Variants in SYTL3 observed in about 807,000 individuals in gnomAD.
SYTL3 encodes synaptotagmin-like protein 3.
A neutral mutation model predicts 82.1 loss-of-function variants in SYTL3; 88 were observed. The observed-to-expected ratio is 1.07, with a 90% CI of 0.90 to 1.28. SYTL3 has a LOEUF of 1.28. SYTL3 is among the 50% of genes most tolerant of loss of function. The pLI is 0.00. For missense variants in SYTL3, 831 were observed against 757.6 expected (o/e 1.10, Z -1.14); for synonymous variants, 311 against 289.4 (o/e 1.07, Z -0.76).
At chr6:158,733,361 C>T (rs886572507) in intron 11 of SYTL3, among the ~76,000 whole-genome samples, 2 of 152,084 alleles carry the variant, frequency 1.3e-5, no homozygotes, top group Admixed American at 1.3e-4. Flanking sequence ...GAGTCTTGCT[C>T]TGTCACCAAG....
rs775939440 is a variant in SYTL3 at position 158,763,332 on chromosome 6, CTG to C, written c.1547_1548del (p.Leu516GlnfsTer97). On this transcript the variant is annotated frameshift_variant, in exon 17 of 18. Coordinates refer to ENST00000611299, the MANE Select transcript of SYTL3 (RefSeq NM_001242394.2). LOFTEE classifies it high-confidence loss of function. ...TCTCACTCTGCCAGACCAACAAAAA[CTG>C]AGACTGAAGTCGCCAGTCCTGAGGA... is the stretch of plus-strand genomic sequence containing the variant. ...GCLTLPDQQK[L>X]RLKSPVLRKQ... 16 of 1,614,108 alleles carry C rather than the reference CTG, an allele frequency of 9.9e-6. No homozygotes were observed. Among genetic ancestry groups the C allele is most frequent in the Non-Finnish European group, 1.3e-5 (15 of 1,180,054 alleles).
chr6:158,658,931 A>G (rs1273693165), intron 2 of SYTL3, among the ~76,000 whole-genome samples: 1 of 152,152 alleles, frequency 6.6e-6, no homozygotes, highest in Non-Finnish European at 1.5e-5. Flanking sequence ...CTCCATCTCA[A>G]AAAAAGAGGG....
intron 5 of SYTL3, among the ~76,000 whole-genome samples, chr6:158,678,598 A>G (rs1583205920): frequency 2.6e-5 from 4 of 152,332 alleles, no homozygotes; most frequent in Admixed American, 2.6e-4. Context: ...TCCTTTGATA[A>G]TGAAATGACA....
chr6:158,758,194 A>C (rs1432534982), intron 14 of SYTL3, among the ~76,000 whole-genome samples: 4 of 152,114 alleles, frequency 2.6e-5, no homozygotes, highest in Non-Finnish European at 1.5e-5. Flanking sequence ...TAATCCCAGC[A>C]CTTTGGGAGG....
At chr6:158,712,746 C>A (rs1398907082) in intron 8 of SYTL3, among the ~76,000 whole-genome samples, 1 of 144,516 alleles carries the variant, frequency 6.9e-6, no homozygotes, top group Admixed American at 7.1e-5. Flanking sequence ...CATTCTTTTT[C>A]TTTTCTTTCT....
chr6:158,669,668 G>A (rs1041824523), intron 5 of SYTL3, among the ~76,000 whole-genome samples: 11 of 152,230 alleles, frequency 7.2e-5, no homozygotes, highest in Admixed American at 2.0e-4. Flanking sequence ...AGTGTGTTCG[G>A]TTGAAAAATT....
intron 2 of SYTL3, among the ~76,000 whole-genome samples, chr6:158,657,355 G>A (rs1472782648): frequency 6.8e-6 from 1 of 146,468 alleles, no homozygotes; most frequent in Non-Finnish European, 1.5e-5. Context: ...GAACCTGGGA[G>A]GTAGAGGTTG....
intron 14 of SYTL3, among the ~76,000 whole-genome samples, chr6:158,759,790 C>T (rs1470024677): frequency 6.6e-6 from 1 of 152,174 alleles, no homozygotes; most frequent in African/African-American, 2.4e-5. Flanking sequence ...CTTGGCCTCC[C>T]AAAGTGCTGG....
At chr6:158,726,879 T>C (rs28654243) in intron 11 of SYTL3, 1 of 150,064 alleles carries the variant, frequency 6.7e-6, no homozygotes, top group Admixed American at 6.7e-5. Flanking sequence ...AGACAGAGTA[T>C]TGCTCTGTCA....
rs1269690822 is a variant in SYTL3 at position 158,712,793 on chromosome 6, CTA to C, written c.517-1005_517-1004del. ...TTTTTTTTTGAGACAGAGTCTCGCT[CTA>C]TTGCCCAGGCTGGAGACCAGTGGCG... is the stretch of plus-strand genomic sequence containing the variant. On this transcript the variant is annotated intron_variant, in intron 8 of 17. Coordinates refer to ENST00000611299, the MANE Select transcript of SYTL3 (RefSeq NM_001242394.2). Among the ~76,000 whole-genome samples the C allele has an allele frequency of 7.0e-5, 10 of 142,106 alleles. No homozygotes were observed. The South Asian group carries it at 1.1e-3, about 16-fold the overall frequency. 93.2% of individuals were successfully genotyped at this position (142,106 alleles called of 152,430 possible). A position where few individuals can be genotyped will look rare whatever the true frequency, so the allele number is the denominator to read the frequency against.
rs869182913 is a variant in SYTL3, at chr6:158,744,304, C to CTTTTTTTTTT, written c.856-1165_856-1156dup. On this transcript the variant is annotated intron_variant, in intron 11 of 17. Transcript: ENST00000611299. ...GCTTGTTTTTTTTTTCTTTTTCTTT[C>CTTTTTTTTTT]TTTTTTTTTTTTTTTTTTTTGAGAC... Among the ~76,000 whole-genome samples, 79 of 99,212 alleles carry CTTTTTTTTTT rather than the reference C, an allele frequency of 8.0e-4. 1 individual carries two copies. The highest frequency in any genetic ancestry group is 2.1e-3 in the South Asian group (6 of 2,868). 65.1% of individuals were successfully genotyped at this position (99,212 alleles called of 152,430 possible).
intron 1 of SYTL3, among the ~76,000 whole-genome samples, chr6:158,650,844 A>G (rs1469975863): frequency 6.6e-6 from 1 of 151,976 alleles, no homozygotes; most frequent in Non-Finnish European, 1.5e-5. Flanking sequence ...CCAGCTGCCC[A>G]GGAGGCTGAG....
At chr6:158,703,664 G>C (rs981414646) in intron 6 of SYTL3, among the ~76,000 whole-genome samples, 2 of 152,092 alleles carry the variant, frequency 1.3e-5, no homozygotes, top group Non-Finnish European at 2.9e-5. Flanking sequence ...TCTGCAGGCT[G>C]GAGGCTGCCT....
At chr6:158,762,718 A>T (rs1341091486) in intron 16 of SYTL3, among the ~76,000 whole-genome samples, 1 of 152,164 alleles carries the variant, frequency 6.6e-6, no homozygotes, top group African/African-American at 2.4e-5. Flanking sequence ...GGAGTTCAAA[A>T]CTAGCCTGGC....
At chr6:158,725,017 G>A (rs13204182) in intron 10 of SYTL3, among the ~76,000 whole-genome samples, 28,185 of 151,944 alleles carry the variant, frequency 0.19, 3,140 homozygotes, top group Non-Finnish European at 0.25. Context: ...GCAAGACTCC[G>A]TCTCAAAAAA....
intron 11 of SYTL3, among the ~76,000 whole-genome samples, chr6:158,737,788 A>C (rs1002613551): frequency 6.6e-6 from 1 of 152,168 alleles, no homozygotes; most frequent in African/African-American, 2.4e-5. Context: ...TGATGGATGG[A>C]CGTGCTCTGC....
chr6:158,688,273 TG>T lies in SYTL3; in HGVS notation c.394+5290del, dbSNP rs150489848. Among the ~76,000 whole-genome samples the T allele has an allele frequency of 5.1e-3, 772 of 152,298 alleles. 7 individuals carry two copies. Among genetic ancestry groups the T allele is most frequent in the African/African-American group, 0.018 (735 of 41,552 alleles). ...GTATTTTGACATGTCTGTTTATTTTTGGGGGGTAAATTCTTAGAAGAATGAT... is the reference window on the plus strand; with the variant it reads ...GTATTTTGACATGTCTGTTTATTTTTGGGGGTAAATTCTTAGAAGAATGAT... On this transcript the variant is annotated intron_variant, in intron 6 of 17. Transcript: ENST00000611299.
chr6:158,729,219 A>G (rs747988742), intron 11 of SYTL3, among the ~76,000 whole-genome samples: 3 of 152,188 alleles, frequency 2.0e-5, no homozygotes, highest in Non-Finnish European at 4.4e-5. Context: ...GGTAATTTAT[A>G]AACAATAGAA....
chr6:158,695,225 C>T (rs1252035256), intron 6 of SYTL3, among the ~76,000 whole-genome samples: 1 of 152,190 alleles, frequency 6.6e-6, no homozygotes, highest in Non-Finnish European at 1.5e-5. Context: ...AAAAAGTTTG[C>T]TGACCTCTAC....
Sources: gnomAD v4.1 joint callset for allele counts (sites outside exome capture counted in the v4.1 genomes callset) on GRCh38, gnomAD v4.1.1 for gene constraint, MANE v1.5 for transcripts, NCBI Gene and HGNC (gene_info 2026-07-23, HGNC 2026-07-21) for gene names.